The following C2CD2 variants were observed in gnomAD, a reference collection of about 807,000 sequenced individuals.
C2CD2 encodes the protein C2 calcium dependent domain containing 2.
Under a neutral mutation model 74.3 loss-of-function variants are expected in C2CD2, and 43 were observed. The observed-to-expected ratio is 0.58, with a 90% confidence interval of 0.45 to 0.75. The LOEUF is 0.75. Among genes scored for constraint, C2CD2 ranks in the 30% least tolerant of loss-of-function variants. C2CD2 has a pLI of 0.00. For synonymous variants in C2CD2, 422 were observed against 390.7 expected, an observed-to-expected ratio of 1.08 and a Z score of -0.94; for missense variants, 801 against 916.3, an observed-to-expected ratio of 0.87 and a Z score of 1.63.
At chr21:41,915,731 C>T (rs1278834896) in intron 5 of C2CD2, among the ~76,000 whole-genome samples, 10 of 152,228 alleles carry the variant, frequency 6.6e-5, no homozygotes, top group Non-Finnish European at 1.3e-4. Context: ...TGAGCCACCA[C>T]GCCTGGCCAA....
In C2CD2 at chr21:41,933,322, G is replaced by A. The variant is rs113762156; in HGVS notation, c.378+8825C>T. Among the ~76,000 whole-genome samples the A allele has an allele frequency of 9.6e-3, 1,288 of 133,900 alleles. 22 individuals are homozygous for A. The highest frequency in any genetic ancestry group is 0.031 in the African/African-American group (1,235 of 40,258). 87.8% of individuals were successfully genotyped at this position (133,900 alleles called of 152,430 possible). The stretch of plus-strand genomic sequence containing the variant: ...AGGGAACACGAGGCGGTGCAGACAC[G>A]GAATTAGGTGTAAATTTGGAGACCA... On this transcript the variant is annotated intron_variant, in intron 2 of 13. Coordinates refer to ENST00000380486, the MANE Select transcript of C2CD2 (RefSeq NM_015500.2).
In C2CD2 at chr21:41,922,027, G is replaced by T. The variant is rs750281255; in HGVS notation, c.437C>A (p.Ala146Asp). ...AIQFLVSETP[A>D]LGAGCRLYDM... Reference sequence around the variant, plus strand: ...GTACAGCCGGCATCCAGCACCCAAGGCAGGCGTCTCGCTGACCAAGAACTG... The same window carrying T: ...GTACAGCCGGCATCCAGCACCCAAGTCAGGCGTCTCGCTGACCAAGAACTG... The change falls in exon 3 of 14, where the codon GCC (alanine) becomes GAC (aspartate). Residue 146 changes from alanine to aspartate, a missense_variant. Coordinates refer to ENST00000380486, the MANE Select transcript of C2CD2 (RefSeq NM_015500.2). 6.2e-7 allele frequency: 1 copy of T among 1,614,118 alleles called. No individual in the cohort carries two copies. The highest frequency in any genetic ancestry group is 8.5e-7 in the Non-Finnish European group (1 of 1,179,970).
At chr21:41,941,947 T>A (rs2065357614) in intron 2 of C2CD2, among the ~76,000 whole-genome samples, 200 bp downstream of exon 2, 1 of 152,248 alleles carries the variant, frequency 6.6e-6, no homozygotes, top group Non-Finnish European at 1.5e-5. Flanking sequence ...ATCTCGCTCC[T>A]TTTGAAGGCG....
intron 7 of C2CD2, among the ~76,000 whole-genome samples, chr21:41,910,470 C>T (rs530032451): frequency 1.3e-5 from 2 of 152,286 alleles, no homozygotes; most frequent in Non-Finnish European, 2.9e-5. Flanking sequence ...TTCCCAGTGA[C>T]ACCTCCAATG....
chr21:41,926,569 T>C lies in C2CD2; in HGVS notation c.379-4484A>G, dbSNP rs2065215782. On this transcript the variant is annotated intron_variant, in intron 2 of 13. Coordinates refer to ENST00000380486, the MANE Select transcript of C2CD2 (RefSeq NM_015500.2). The surrounding 1 kb of genome is among the most constrained non-coding windows in gnomAD (Gnocchi z 8.0). ...AACACCTTGACCTCATGTAGTCACA[T>C]ACCTATGCAAACAGCGCTTATCTGG... The C allele has an allele frequency of 2.2e-6, 2 of 929,640 alleles. No individual in the cohort carries two copies. Among genetic ancestry groups the C allele is most frequent in the South Asian group, 9.9e-5 (2 of 20,150 alleles). The allele number at this position is 929,640 out of a possible 1,614,324, so 57.6% of individuals were successfully genotyped here.
rs2146243139 is a variant in C2CD2, at chr21:41,953,483, G to A, written c.166C>T (p.Pro56Ser). 1.3e-6 allele frequency: 2 copies of A among 1,481,964 alleles called. No individual in the cohort carries two copies. The highest frequency in any genetic ancestry group is 1.3e-5 in the South Asian group (1 of 76,564). The allele number at this position is 1,481,964 out of a possible 1,614,324, so 91.8% of individuals were successfully genotyped here. A position where few individuals can be genotyped will look rare whatever the true frequency, so the allele number is the denominator to read the frequency against. Residue 56 changes from proline (P) to serine (S), a missense_variant, in exon 1 of 14, where the codon CCG becomes TCG. By Grantham distance (74) the Pro-to-Ser change is moderately conservative. Transcript: ENST00000380486. ...AGCAGCGCGTCGGACCCCGGGCGCG[G>A]CCCCTCTCCAGGCTCCACCGCCCGC... The part of the protein sequence containing the change: ...QRRAVEPGEG[P>S]RPGSDALLSW...
chr21:41,943,424 TA>T (rs1216294400), intron 1 of C2CD2, among the ~76,000 whole-genome samples: 3 of 152,212 alleles, frequency 2.0e-5, no homozygotes, highest in African/African-American at 7.2e-5. Context: ...AAGTCTTGTC[TA>T]GCTCTCGAGA....
At position 41,943,726 on chromosome 21, in the gene C2CD2, C is replaced by T. The variant is rs138888980; in HGVS notation, c.280-1481G>A. On this transcript the variant is annotated intron_variant, in intron 1 of 13. Transcript: ENST00000380486. ...ATGAGGTTACGCTGTGGCTATTTCTCAAGAATGCCCAATGACCCGCGTAAA... is the reference window on the plus strand; with the variant it reads ...ATGAGGTTACGCTGTGGCTATTTCTTAAGAATGCCCAATGACCCGCGTAAA... Among the ~76,000 whole-genome samples the T allele has an allele frequency of 2.4e-3, 358 of 152,338 alleles. 1 individual carries two copies. The highest frequency in any genetic ancestry group is 6.8e-3 in the Middle Eastern group (2 of 294).
chr21:41,937,533 G>C (rs1360603144), intron 2 of C2CD2, among the ~76,000 whole-genome samples: 1 of 152,228 alleles, frequency 6.6e-6, no homozygotes, highest in Non-Finnish European at 1.5e-5. Flanking sequence ...GCTATTAATA[G>C]TTAAGTTTCT....
At chr21:41,897,152 G>A (rs1435690756) in intron 13 of C2CD2, among the ~76,000 whole-genome samples, 2 of 152,218 alleles carry the variant, frequency 1.3e-5, no homozygotes, top group African/African-American at 4.8e-5. Flanking sequence ...GACACAGCAA[G>A]GATGGAAACC....
At chr21:41,936,209 C>T (rs2065306242) in intron 2 of C2CD2, among the ~76,000 whole-genome samples, 1 of 152,080 alleles carries the variant, frequency 6.6e-6, no homozygotes, top group African/African-American at 2.4e-5. Flanking sequence ...ATCTGATAAG[C>T]GGTTAATATC....
chr21:41,888,543 T>G lies in C2CD2; in HGVS notation c.*581A>C, dbSNP rs981985605. 16 of 156,912 alleles carry G rather than the reference T, an allele frequency of 1.0e-4. 1 individual carries two copies. Among genetic ancestry groups the G allele is most frequent in the Non-Finnish European group, 5.7e-5 (4 of 70,444 alleles). The allele number at this position is 156,912 out of a possible 1,614,324, so 9.7% of individuals were successfully genotyped here. ...TCAAAGGTAGATGACTTCCTACATC[T>G]GTCGTAGCGTCTCCATTCTTATCAA... On this transcript the variant is annotated 3_prime_UTR_variant, in exon 14 of 14. Transcript: ENST00000380486.
rs1343036724 is a variant in C2CD2 at position 41,903,077 on chromosome 21, C to T, written c.1433-1328G>A. Among the ~76,000 whole-genome samples, 1 of 152,172 alleles carries T rather than the reference C, an allele frequency of 6.6e-6. No homozygotes were observed. The highest frequency in any genetic ancestry group is 1.5e-5 in the Non-Finnish European group (1 of 68,038). The stretch of plus-strand genomic sequence containing the variant: ...ACCATAAACCCCCTAAATGACAGGG[C>T]TCAGGGAGCGTCCAGGTTGTGAACC... On this transcript the variant is annotated intron_variant, in intron 11 of 13. Transcript: ENST00000380486. The surrounding 1 kb of genome is among the most constrained non-coding windows in gnomAD (Gnocchi z 4.5).
chr21:41,949,959 C>T (rs993657487), intron 1 of C2CD2, among the ~76,000 whole-genome samples: 6 of 152,018 alleles, frequency 3.9e-5, no homozygotes, highest in African/African-American at 1.4e-4. Flanking sequence ...GGACACAGGG[C>T]GGGCAACATC....
chr21:41,901,217 T>TA (rs2064891850), intron 12 of C2CD2: 1 of 305,816 alleles, frequency 3.3e-6, no homozygotes, highest in African/African-American at 2.2e-5. Flanking sequence ...ACAAAAGGAA[T>TA]AAACATTCAC....
intron 3 of C2CD2, 89 bp from the exon 4 acceptor site, chr21:41,919,049 T>A: frequency 5.8e-5 from 45 of 772,196 alleles, no homozygotes; most frequent in Non-Finnish European, 9.1e-5. Context: ...TGAGCATGTG[T>A]GTGTGCATAT....
At chr21:41,915,462 A>G (rs1225944786) in intron 5 of C2CD2, among the ~76,000 whole-genome samples, 1 of 150,608 alleles carries the variant, frequency 6.6e-6, no homozygotes, top group Non-Finnish European at 1.5e-5. Context: ...TTTGAGACAG[A>G]GTCTCGCTCT....
rs2065246905 is a variant in C2CD2, at chr21:41,929,734, AC to A, written c.379-7650del. 6.6e-6 allele frequency among the ~76,000 whole-genome samples: 1 copy of A among 152,362 alleles called. No homozygotes were observed. Among genetic ancestry groups the A allele is most frequent in the East Asian group, 1.9e-4 (1 of 5,188 alleles). ...GACATCACTCAAGTCTCCAAAGATC[AC>A]CAAGTGTCCAGCTCAGCTCCTGCCC... On this transcript the variant is annotated intron_variant, in intron 2 of 13. Transcript: ENST00000380486. The surrounding 1 kb of genome is among the most constrained non-coding windows in gnomAD (Gnocchi z 4.6).
chr21:41,928,749 GCACACAA>G (rs2065238626), intron 2 of C2CD2, among the ~76,000 whole-genome samples: 1 of 151,914 alleles, frequency 6.6e-6, no homozygotes, highest in Admixed American at 6.6e-5. Context: ...GAACACACGT[GCACACAA>G]CACACCACAC....
Sources: allele counts gnomAD v4.1 joint callset (sites outside exome capture counted in the v4.1 genomes callset), GRCh38; gene constraint gnomAD v4.1.1; non-coding constraint Gnocchi (gnomAD v3.1); transcripts MANE v1.5; gene names NCBI Gene and HGNC (gene_info 2026-07-23, HGNC 2026-07-21).